CDH22: variants seen among roughly 807,000 people sequenced by gnomAD.
CDH22 encodes the protein cadherin-22.
Under a neutral mutation model 58.4 loss-of-function variants are expected in CDH22, and 30 were observed. The observed-to-expected ratio is 0.51, with a 90% CI of 0.38 to 0.70. The LOEUF is 0.70. Ranked by LOEUF, CDH22 falls within the 30% of genes least tolerant of loss-of-function variation. The probability of loss-of-function intolerance (pLI) is 0.00; values close to 1 mark genes in which losing one functional copy is unlikely to be tolerated. For missense variants in CDH22, 1,014 were observed against 1,233.9 expected, an observed-to-expected ratio of 0.82 and a Z score of 2.67; for synonymous variants, 513 against 558.2, an observed-to-expected ratio of 0.92 and a Z score of 1.14.
intron 10 of CDH22, among the ~76,000 whole-genome samples, chr20:46,183,696 T>C (rs1261538456): frequency 1.3e-5 from 2 of 152,340 alleles, no homozygotes; most frequent in African/African-American, 4.8e-5. Flanking sequence ...GCTGGAGTTA[T>C]AAACATGAGC....
chr20:46,302,329 C>G (rs1481166703), intron 1 of CDH22, among the ~76,000 whole-genome samples: 2 of 152,090 alleles, frequency 1.3e-5, no homozygotes, highest in Non-Finnish European at 2.9e-5. Context: ...GCATCCCTGG[C>G]CTCTACCCAT....
intron 4 of CDH22, chr20:46,220,000 A>C (rs1451040229): frequency 6.6e-6 from 1 of 152,628 alleles, no homozygotes; most frequent in African/African-American, 2.4e-5. Flanking sequence ...GGAGGAAGAG[A>C]GCGAAGGTGA....
At chr20:46,184,248 G>A (rs960033119) in intron 10 of CDH22, among the ~76,000 whole-genome samples, 14 of 151,996 alleles carry the variant, frequency 9.2e-5, no homozygotes, top group African/African-American at 2.4e-4. Context: ...ACAGGCATGC[G>A]CCACCCTGCT....
chr20:46,206,971 C>G (rs2086006206), intron 7 of CDH22, among the ~76,000 whole-genome samples: 1 of 152,202 alleles, frequency 6.6e-6, no homozygotes, highest in African/African-American at 2.4e-5. Context: ...GACCCCTTCT[C>G]TGTCTCCCAC....
At chr20:46,259,988 G>T (rs1428648677) in intron 1 of CDH22, among the ~76,000 whole-genome samples, 1 of 152,140 alleles carries the variant, frequency 6.6e-6, no homozygotes, top group Non-Finnish European at 1.5e-5. Flanking sequence ...TTTGCCTTCA[G>T]CTTGGCCATG....
At position 46,178,005 on chromosome 20, in the gene CDH22, G is replaced by C. The variant is rs778679068; in HGVS notation, c.1856C>G (p.Ala619Gly). ...QSCNTTAFVM[A>G]ASLSPGALIA... is the part of the protein sequence containing the mutation. Reference sequence around the variant, plus strand: ...GAGGGCGCCGGGGCTGAGGGAGGCGGCCATGACAAAGGCCGTGGTGTTGCA... The same window carrying C: ...GAGGGCGCCGGGGCTGAGGGAGGCGCCCATGACAAAGGCCGTGGTGTTGCA... The change falls in exon 11 of 12, where the codon GCC becomes GGC. Residue 619 changes from alanine (A) to glycine (G), a missense_variant. Physicochemically the swap from Ala to Gly is moderately conservative, Grantham distance 60. Transcript: ENST00000537909. 1 of 1,614,078 alleles carries C rather than the reference G, an allele frequency of 6.2e-7. No individual in the cohort carries two copies. Among genetic ancestry groups the C allele is most frequent in the Middle Eastern group, 1.7e-4 (1 of 6,058 alleles).
chr20:46,195,461 G>T (rs1236414875), intron 8 of CDH22, among the ~76,000 whole-genome samples: 1 of 152,232 alleles, frequency 6.6e-6, no homozygotes, highest in Non-Finnish European at 1.5e-5. Flanking sequence ...AGATGGGGAA[G>T]CTTCTGGCGA....
chr20:46,206,867 T>G (rs1229220272), intron 7 of CDH22, among the ~76,000 whole-genome samples: 1 of 152,096 alleles, frequency 6.6e-6, no homozygotes, highest in Non-Finnish European at 1.5e-5. Flanking sequence ...CAATGCGGAG[T>G]TGCTGCCTAA....
intron 1 of CDH22, among the ~76,000 whole-genome samples, chr20:46,255,796 A>G (rs533255607): frequency 3.3e-5 from 5 of 152,304 alleles, no homozygotes; most frequent in East Asian, 1.9e-4. Flanking sequence ...CTGGCATTCA[A>G]AATTGGTCCA....
intron 1 of CDH22, among the ~76,000 whole-genome samples, chr20:46,262,175 C>G (rs1481754206): frequency 6.9e-6 from 1 of 145,164 alleles, no homozygotes; most frequent in Non-Finnish European, 1.5e-5. Context: ...AGTGTTGGGA[C>G]AGAGGGTGTT....
intron 1 of CDH22, among the ~76,000 whole-genome samples, chr20:46,255,338 A>T (rs534144832): frequency 1.3e-5 from 2 of 152,224 alleles, no homozygotes; most frequent in Admixed American, 6.5e-5. Flanking sequence ...AGAGGGGGAA[A>T]GTAGAGCCCA....
At chr20:46,211,158 C>CG (rs201443834) in intron 6 of CDH22, among the ~76,000 whole-genome samples, 1 of 152,188 alleles carries the variant, frequency 6.6e-6, no homozygotes, top group Non-Finnish European at 1.5e-5. Context: ...TGCTTCTTAT[C>CG]GGGGGGTGCT....
intron 10 of CDH22, among the ~76,000 whole-genome samples, chr20:46,179,605 C>A (rs2085770197): frequency 1.3e-5 from 2 of 152,184 alleles, no homozygotes; most frequent in African/African-American, 4.8e-5. Flanking sequence ...TCTCCTTTTA[C>A]ACACATTTGA....
intron 4 of CDH22, among the ~76,000 whole-genome samples, chr20:46,226,251 T>TTCTTCTTCTTCTTCTTCC (rs1568665185): frequency 8.9e-5 from 1 of 11,194 alleles, no homozygotes; most frequent in Non-Finnish European, 1.8e-4. Flanking sequence ...CTTCTTCTTC[T>TTCTTCTTCTTCTTCTTCC]TCTTCTTCTT....
chr20:46,210,244 C>G lies in CDH22; in HGVS notation c.1286+63G>C. On this transcript the variant is annotated intron_variant, in intron 7 of 11. Transcript: ENST00000537909. The surrounding 1 kb of genome is among the most constrained non-coding windows in gnomAD (Gnocchi z 4.5). ...AGCCCTCCTCCCCTCTGCCCGCAGT[C>G]TGTCCGCGGGGGTGATGGCGGGATA... is the stretch of plus-strand genomic sequence containing the variant. 1 of 1,347,574 alleles carries G rather than the reference C, an allele frequency of 7.4e-7. No individual in the cohort carries two copies. Among genetic ancestry groups the G allele is most frequent in the Non-Finnish European group, 9.5e-7 (1 of 1,051,990 alleles). 83.5% of individuals were successfully genotyped at this position (1,347,574 alleles called of 1,614,324 possible).
At chr20:46,303,858 C>T (rs975733242) in intron 1 of CDH22, among the ~76,000 whole-genome samples, 8 of 152,146 alleles carry the variant, frequency 5.3e-5, no homozygotes, top group African/African-American at 1.7e-4. Context: ...GCCAGTGACA[C>T]GATCCCACCT....
chr20:46,265,339 T>C (rs2086454296), intron 1 of CDH22, among the ~76,000 whole-genome samples: 1 of 152,190 alleles, frequency 6.6e-6, no homozygotes, highest in African/African-American at 2.4e-5. Context: ...CTACTTTTCA[T>C]AATTAATTAA....
chr20:46,265,410 A>T (rs1350415455), intron 1 of CDH22, among the ~76,000 whole-genome samples: 1 of 152,240 alleles, frequency 6.6e-6, no homozygotes, highest in Non-Finnish European at 1.5e-5. Context: ...TAGTTTAACG[A>T]AAAGTCATAA....
At chr20:46,229,076 A>G (rs2086200942) in intron 3 of CDH22, among the ~76,000 whole-genome samples, 1 of 152,088 alleles carries the variant, frequency 6.6e-6, no homozygotes, top group Non-Finnish European at 1.5e-5. Context: ...CAACCATGTC[A>G]GAGTTGACCA....
Sources: allele counts gnomAD v4.1 joint callset (sites outside exome capture counted in the v4.1 genomes callset), GRCh38; gene constraint gnomAD v4.1.1; non-coding constraint Gnocchi (gnomAD v3.1); transcripts MANE v1.5; gene names NCBI Gene and HGNC (gene_info 2026-07-23, HGNC 2026-07-21).